DMD: variants seen among roughly 807,000 people sequenced by gnomAD.
The protein encoded by DMD is dystrophin, also known as mutant dystrophin.
A neutral mutation model predicts 330.1 loss-of-function variants in DMD; 63 were observed. The ratio of observed to expected loss-of-function variants is 0.19; its 90% CI spans 0.16 to 0.24. The LOEUF (loss-of-function observed/expected upper bound fraction) is 0.24. Ranked by LOEUF, DMD falls within the 10% of genes least tolerant of loss-of-function variation. The probability of loss-of-function intolerance (pLI) is 1.00; values close to 1 mark genes in which losing one functional copy is unlikely to be tolerated. For missense variants in DMD, 3,344 were observed against 2,684.1 expected (o/e 1.25, Z -5.43); for synonymous variants, 1,223 against 959.8 (o/e 1.27, Z -5.07).
chrX:33,058,477 T>A (rs1293952541), intron 1 of DMD, among the ~76,000 whole-genome samples: 3 of 108,589 alleles, frequency 2.8e-5, no homozygotes, highest in Non-Finnish European at 3.8e-5. Context: ...TTTTATTTTT[T>A]TTTTTTGTAG....
Position 32,645,040 on chromosome X carries a change from G to A in DMD, c.1073C>T (p.Ala358Val), listed in dbSNP as rs1311686543. 8.3e-7 allele frequency: 1 copy of A among 1,209,722 alleles called. No individual in the cohort carries two copies. The highest frequency in any genetic ancestry group is 1.1e-6 in the Non-Finnish European group (1 of 895,140). The change falls in exon 10 of 79, where the codon GCT becomes GTT. Residue 358 changes from alanine (A) to valine (V), a missense_variant. Coordinates refer to ENST00000357033, the MANE Select transcript of DMD (RefSeq NM_004006.3). Reference protein sequence around the residue: ...LEEVLSWLLSAEDTLQAQGEI... With the variant: ...LEEVLSWLLSVEDTLQAQGEI... ...TCCTTGTGCTTGCAATGTGTCCTCA[G>A]CAGAAAGAAGCCACGATAATACTTC...
intron 7 of DMD, among the ~76,000 whole-genome samples, chrX:32,787,102 T>C (rs1449122724): frequency 4.5e-5 from 5 of 110,940 alleles, no homozygotes; most frequent in Non-Finnish European, 9.4e-5. Context: ...TGCTAACTAA[T>C]GTCTTACAAA....
intron 21 of DMD, among the ~76,000 whole-genome samples, chrX:32,474,239 A>C: frequency 9.1e-6 from 1 of 110,158 alleles, no homozygotes; most frequent in African/African-American, 3.3e-5. Context: ...ACACACACTC[A>C]CCACAGTTTC....
At chrX:32,405,877 C>A (rs1009854156) in intron 30 of DMD, among the ~76,000 whole-genome samples, 3 of 111,659 alleles carry the variant, frequency 2.7e-5, no homozygotes, top group African/African-American at 9.7e-5. Context: ...ACACTTCCTA[C>A]CCATGAGCAT....
intron 48 of DMD, among the ~76,000 whole-genome samples, chrX:31,845,970 T>C (rs966800802): frequency 3.6e-5 from 4 of 111,175 alleles, no homozygotes; most frequent in East Asian, 5.7e-4. Flanking sequence ...CCAGTGATAC[T>C]TGTAGAGTGA....
intron 1 of DMD, among the ~76,000 whole-genome samples, chrX:33,250,070 G>A (rs1051495640): frequency 3.9e-5 from 3 of 77,049 alleles, no homozygotes; most frequent in Non-Finnish European, 6.7e-5. Flanking sequence ...AGCCCACATA[G>A]TAGTAAACTA....
At chrX:33,228,793 A>C (rs763129316) in intron 1 of DMD, among the ~76,000 whole-genome samples, 3 of 108,665 alleles carry the variant, frequency 2.8e-5, no homozygotes, top group African/African-American at 3.3e-5. Flanking sequence ...TATTTTTAAC[A>C]AACTGCCAAA....
intron 1 of DMD, among the ~76,000 whole-genome samples, chrX:33,097,022 T>G (rs1273321579): frequency 9.0e-6 from 1 of 111,580 alleles, no homozygotes; most frequent in Non-Finnish European, 1.9e-5. Flanking sequence ...TTATAAGAAA[T>G]TATCGAGTTT....
intron 43 of DMD, among the ~76,000 whole-genome samples, chrX:32,281,153 C>A (rs979246787): frequency 2.7e-5 from 3 of 112,121 alleles, no homozygotes; most frequent in African/African-American, 9.7e-5. Context: ...CAGCTTCCAA[C>A]TGTCCCACCC....
chrX:31,932,957 A>T (rs2094877681), intron 45 of DMD, among the ~76,000 whole-genome samples: 1 of 111,279 alleles, frequency 9.0e-6, no homozygotes, highest in Non-Finnish European at 1.9e-5. Context: ...TGTTGAACAC[A>T]CTGGATACCA....
rs2098179123 is a variant in DMD, at chrX:32,419,139, G to A, written c.4072-7226C>T. Among the ~76,000 whole-genome samples the A allele has an allele frequency of 2.7e-5, 3 of 110,675 alleles. No homozygotes were observed. The South Asian group carries it at 1.1e-3, about 42-fold the overall frequency. On this transcript the variant is annotated intron_variant, in intron 29 of 78. Transcript: ENST00000357033. ...AAAAGTTATACAAAAATTTCCAGAT[G>A]TCTAGATATGCTTATACCAGCTTAA...
intron 7 of DMD, among the ~76,000 whole-genome samples, chrX:32,775,942 G>A (rs1217677108): frequency 8.9e-6 from 1 of 112,115 alleles, no homozygotes; most frequent in African/African-American, 3.2e-5. Flanking sequence ...TCCCATTTCA[G>A]ATAATCTCTC....
chrX:33,218,687 G>C (rs998085332), intron 1 of DMD, among the ~76,000 whole-genome samples: 1 of 111,507 alleles, frequency 9.0e-6, no homozygotes, highest in Admixed American at 9.6e-5. Context: ...TTATGTGCTT[G>C]AGTACTTGTT....
chrX:31,276,931 C>A (rs767553245), intron 62 of DMD, among the ~76,000 whole-genome samples: 1 of 111,717 alleles, frequency 9.0e-6, no homozygotes, highest in East Asian at 2.8e-4. Flanking sequence ...CAGAAGGGCA[C>A]ACAAAGGGCC....
chrX:32,944,111 A>C (rs769303875), intron 2 of DMD, among the ~76,000 whole-genome samples: 1 of 111,852 alleles, frequency 8.9e-6, no homozygotes, highest in East Asian at 2.8e-4. Flanking sequence ...AACATGCAAT[A>C]TTTGACTTTC....
At chrX:33,143,828 A>G (rs989539531) in intron 1 of DMD, among the ~76,000 whole-genome samples, 1 of 111,850 alleles carries the variant, frequency 8.9e-6, no homozygotes, top group Non-Finnish European at 1.9e-5. Flanking sequence ...AATTTGAAGA[A>G]TAAGAACAGA....
chrX:31,169,885 C>A (rs779071920), intron 73 of DMD, among the ~76,000 whole-genome samples: 1 of 111,603 alleles, frequency 9.0e-6, no homozygotes, highest in Non-Finnish European at 1.9e-5. Context: ...TGGGACTCTA[C>A]GTTGATGTTA....
chrX:32,826,485 TAC>T (rs943686219), intron 4 of DMD, among the ~76,000 whole-genome samples: 1 of 110,856 alleles, frequency 9.0e-6, no homozygotes, highest in South Asian at 3.8e-4. Flanking sequence ...TATACAGACC[TAC>T]ACACACACAC....
chrX:32,052,431 T>C (rs1281782314), intron 44 of DMD, among the ~76,000 whole-genome samples: 2 of 111,628 alleles, frequency 1.8e-5, no homozygotes, highest in Non-Finnish European at 3.8e-5. Context: ...AAATTGATTG[T>C]GCTCTCTATT....
Sources: gnomAD v4.1 joint callset for allele counts (sites outside exome capture counted in the v4.1 genomes callset) on GRCh38, gnomAD v4.1.1 for gene constraint, MANE v1.5 for transcripts, NCBI Gene and HGNC (gene_info 2026-07-23, HGNC 2026-07-21) for gene names.